REEP3: variants seen among roughly 807,000 people sequenced by gnomAD.
The protein encoded by REEP3 is receptor expression-enhancing protein 3.
A neutral mutation model predicts 41.3 loss-of-function variants in REEP3; 20 were observed. The observed-to-expected ratio is 0.48, with a 90% CI of 0.34 to 0.70. The LOEUF (loss-of-function observed/expected upper bound fraction) is 0.70. Ranked by LOEUF, REEP3 falls within the 30% of genes least tolerant of loss-of-function variation. REEP3 has a pLI of 0.01. For synonymous variants in REEP3, 104 were observed against 101.8 expected (o/e 1.02, Z -0.13); for missense variants, 271 against 308.8 (o/e 0.88, Z 0.92).
At chr10:63,535,706 T>C (rs915688282) in intron 1 of REEP3, among the ~76,000 whole-genome samples, 3 of 152,184 alleles carry the variant, frequency 2.0e-5, no homozygotes, top group Non-Finnish European at 2.9e-5. Flanking sequence ...GAATCTGATA[T>C]GACAGTGGTA....
chr10:63,530,566 A>T (rs1237436175), intron 1 of REEP3, among the ~76,000 whole-genome samples: 1 of 152,182 alleles, frequency 6.6e-6, no homozygotes, highest in Non-Finnish European at 1.5e-5. Flanking sequence ...ATTCTAAACT[A>T]TTGGGTCTTG....
At chr10:63,605,138 G>A (rs1202799867) in intron 5 of REEP3, among the ~76,000 whole-genome samples, 1 of 152,206 alleles carries the variant, frequency 6.6e-6, no homozygotes, top group Non-Finnish European at 1.5e-5. Flanking sequence ...AAAGTATGAT[G>A]AGTCAGAAAA....
chr10:63,524,401 C>T (rs948212498), intron 1 of REEP3, among the ~76,000 whole-genome samples: 5 of 152,118 alleles, frequency 3.3e-5, no homozygotes, highest in Non-Finnish European at 7.4e-5. Flanking sequence ...CAAGATCCTG[C>T]ACTTTAACAC....
intron 2 of REEP3, among the ~76,000 whole-genome samples, chr10:63,571,508 C>G (rs373726517): frequency 5.2e-4 from 79 of 152,300 alleles, no homozygotes; most frequent in African/African-American, 1.9e-3. Context: ...GCTGCCATCT[C>G]TCTGGTTCTC....
intron 1 of REEP3, among the ~76,000 whole-genome samples, chr10:63,540,285 C>G (rs1955517029): frequency 6.6e-6 from 1 of 152,234 alleles, no homozygotes; most frequent in South Asian, 2.1e-4. Flanking sequence ...AGTATGAGAA[C>G]AAAGTCTAGC....
intron 7 of REEP3, among the ~76,000 whole-genome samples, chr10:63,620,168 A>G (rs1956342953): frequency 1.3e-5 from 2 of 152,078 alleles, no homozygotes; most frequent in Non-Finnish European, 2.9e-5. Flanking sequence ...CCTGGCCTCA[A>G]GCAATCCTCT....
chr10:63,599,149 A>G lies in REEP3; in HGVS notation c.304-21A>G, dbSNP rs749026544. On this transcript the variant is annotated intron_variant, in intron 4 of 7. Coordinates refer to ENST00000373758, the MANE Select transcript of REEP3 (RefSeq NM_001001330.3). ...AACACTATTTTTAAGTAAAACTAAC[A>G]TCTGTGGCTTTTTCCCCCAGGAGAT... is the stretch of plus-strand genomic sequence containing the variant. 8 of 1,241,774 alleles carry G rather than the reference A, an allele frequency of 6.4e-6. No homozygotes were observed. In the African/African-American group the frequency reaches 1.1e-4, roughly 17 times the overall value. The allele number at this position is 1,241,774 out of a possible 1,614,324, so 76.9% of individuals were successfully genotyped here. A position where few individuals can be genotyped will look rare whatever the true frequency, so the allele number is the denominator to read the frequency against.
At chr10:63,546,230 T>C (rs986743875) in intron 1 of REEP3, among the ~76,000 whole-genome samples, 1 of 152,234 alleles carries the variant, frequency 6.6e-6, no homozygotes, top group Non-Finnish European at 1.5e-5. Context: ...GAGAACAGCC[T>C]GTATCGAAGC....
rs538635491 is a variant in REEP3, at chr10:63,620,578, A to G, written c.712-235A>G. Among the ~76,000 whole-genome samples the G allele has an allele frequency of 5.8e-5, 8 of 138,254 alleles. No homozygotes were observed. The South Asian group carries it at 1.3e-3, about 23-fold the overall frequency. 90.7% of individuals were successfully genotyped at this position (138,254 alleles called of 152,430 possible). On this transcript the variant is annotated intron_variant, in intron 7 of 7. Transcript: ENST00000373758. ...TGACATTGTACTAAGCAAAACATAA[A>G]TAATAGGATTAATGTTTTTATGTTA... is the stretch of plus-strand genomic sequence containing the variant.
At chr10:63,585,869 T>C (rs535735981) in intron 2 of REEP3, among the ~76,000 whole-genome samples, 18 of 152,192 alleles carry the variant, frequency 1.2e-4, no homozygotes, top group Non-Finnish European at 2.4e-4. Context: ...ACTTGGGGCC[T>C]GGGTATTGTT....
At chr10:63,591,328 A>G (rs1241737569) in intron 2 of REEP3, among the ~76,000 whole-genome samples, 1 of 152,202 alleles carries the variant, frequency 6.6e-6, no homozygotes, top group Admixed American at 6.5e-5. Flanking sequence ...GGTTGCTTCC[A>G]TGAATAATAC....
chr10:63,553,571 A>G (rs1001302819), intron 1 of REEP3, among the ~76,000 whole-genome samples: 29 of 152,158 alleles, frequency 1.9e-4, no homozygotes, highest in Middle Eastern at 6.8e-3. Context: ...TTAGGTATGA[A>G]TGTTCTATGG....
chr10:63,525,586 TTTTTGTA>T (rs1955355471), intron 1 of REEP3, among the ~76,000 whole-genome samples: 2 of 152,060 alleles, frequency 1.3e-5, no homozygotes, highest in African/African-American at 4.8e-5. Context: ...GCCCAGCTAA[TTTTTGTA>T]TTTTTAGTAG....
intron 5 of REEP3, among the ~76,000 whole-genome samples, chr10:63,603,088 C>T (rs113389641): frequency 4.0e-5 from 6 of 151,492 alleles, no homozygotes; most frequent in Non-Finnish European, 8.8e-5. Context: ...CTGAGGCGGG[C>T]GGATCACAAG....
chr10:63,589,785 CTTTTTTTTTTTTTT>C lies in REEP3; in HGVS notation c.106-4980_106-4967del, dbSNP rs59658061. ...TAATGTACTAAGAACAGCAGAACAT[CTTTTTTTTTTTTTT>C]TTTTTTTTTTTTGGAAACGGAGTCT... is the stretch of plus-strand genomic sequence containing the variant. On this transcript the variant is annotated intron_variant, in intron 2 of 7. Transcript: ENST00000373758. Among the ~76,000 whole-genome samples, 22 of 80,834 alleles carry C rather than the reference CTTTTTTTTTTTTTT, an allele frequency of 2.7e-4. No individual in the cohort carries two copies. In the East Asian group the frequency reaches 5.2e-3, roughly 19 times the overall value. The allele number at this position is 80,834 out of a possible 152,430, so 53.0% of individuals were successfully genotyped here.
At chr10:63,540,049 CAAG>C (rs1379513838) in intron 1 of REEP3, among the ~76,000 whole-genome samples, 7 of 152,120 alleles carry the variant, frequency 4.6e-5, no homozygotes, top group Non-Finnish European at 8.8e-5. Flanking sequence ...GATATTAAAA[CAAG>C]AAAATTTGAG....
intron 5 of REEP3, among the ~76,000 whole-genome samples, chr10:63,606,678 T>A (rs1451283364): frequency 1.3e-5 from 2 of 152,242 alleles, no homozygotes; most frequent in Non-Finnish European, 1.5e-5. Flanking sequence ...CAAGTGACTA[T>A]AATGTTCTAT....
chr10:63,582,424 C>T (rs1955963227), intron 2 of REEP3, among the ~76,000 whole-genome samples: 1 of 152,202 alleles, frequency 6.6e-6, no homozygotes, highest in East Asian at 1.9e-4. Flanking sequence ...TTGAAAACCA[C>T]TGATTAAGCA....
At chr10:63,568,049 A>G (rs1433246341) in intron 2 of REEP3, among the ~76,000 whole-genome samples, 3 of 152,270 alleles carry the variant, frequency 2.0e-5, no homozygotes, top group African/African-American at 4.8e-5. Flanking sequence ...ATCTTAAGAG[A>G]TGGAACCATA....
Sources: gnomAD v4.1 joint callset for allele counts (sites outside exome capture counted in the v4.1 genomes callset) on GRCh38, gnomAD v4.1.1 for gene constraint, MANE v1.5 for transcripts, NCBI Gene and HGNC (gene_info 2026-07-23, HGNC 2026-07-21) for gene names.